Variants in PPM1L observed in about 807,000 individuals in gnomAD.
PPM1L encodes protein phosphatase, Mg2+/Mn2+ dependent 1L.
PPM1L carries 13 observed loss-of-function variants against 31.4 expected under a neutral mutation model. The ratio of observed to expected loss-of-function variants is 0.41; its 90% confidence interval spans 0.27 to 0.66. The LOEUF (loss-of-function observed/expected upper bound fraction) is 0.66. Ranked by LOEUF, PPM1L falls within the 30% of genes least tolerant of loss-of-function variation. The pLI, the probability that PPM1L is intolerant of heterozygous loss-of-function variation, is 0.29. For synonymous variants in PPM1L, 184 were observed against 175.4 expected (o/e 1.05, Z -0.39); for missense variants, 326 against 453.7 (o/e 0.72, Z 2.56).
intron 1 of PPM1L, among the ~76,000 whole-genome samples, chr3:160,828,847 A>G (rs1713431765): frequency 6.6e-6 from 1 of 152,156 alleles, no homozygotes; most frequent in Non-Finnish European, 1.5e-5. Context: ...TTTATTTATA[A>G]TAGGTTGCCA....
intron 1 of PPM1L, among the ~76,000 whole-genome samples, chr3:160,927,935 A>G (rs1450528172): frequency 6.6e-6 from 1 of 152,184 alleles, no homozygotes; most frequent in Non-Finnish European, 1.5e-5. Context: ...TAAATAGAGA[A>G]TGAATGACTC....
At chr3:161,042,793 G>A (rs952861039) in intron 2 of PPM1L, among the ~76,000 whole-genome samples, 1 of 152,090 alleles carries the variant, frequency 6.6e-6, no homozygotes, top group African/African-American at 2.4e-5. Flanking sequence ...GGCTGAGGCG[G>A]GTGAATCACG....
At chr3:161,008,892 C>G (rs760230358) in intron 2 of PPM1L, among the ~76,000 whole-genome samples, 11 of 152,034 alleles carry the variant, frequency 7.2e-5, no homozygotes, top group Non-Finnish European at 1.2e-4. Flanking sequence ...GTGGACAGAT[C>G]AAAGCTGGGA....
At chr3:160,873,087 TG>T (rs1354922062) in intron 1 of PPM1L, among the ~76,000 whole-genome samples, 1 of 152,220 alleles carries the variant, frequency 6.6e-6, no homozygotes, top group Non-Finnish European at 1.5e-5. Flanking sequence ...AAAGTCACTG[TG>T]CAAAATTTCC....
intron 1 of PPM1L, among the ~76,000 whole-genome samples, chr3:160,914,246 T>A (rs1173747175): frequency 6.6e-6 from 1 of 152,194 alleles, no homozygotes; most frequent in Non-Finnish European, 1.5e-5. Context: ...AATCTTTGAT[T>A]TTTTTTACTG....
chr3:160,795,625 T>C (rs1712224401), intron 1 of PPM1L, among the ~76,000 whole-genome samples: 1 of 152,232 alleles, frequency 6.6e-6, no homozygotes, highest in Admixed American at 6.5e-5. Flanking sequence ...TTATCATGTT[T>C]CTAGAACCGG....
chr3:160,827,423 T>C (rs763386986), intron 1 of PPM1L, among the ~76,000 whole-genome samples: 1 of 150,556 alleles, frequency 6.6e-6, no homozygotes, highest in Non-Finnish European at 1.5e-5. Context: ...AAAATGAACA[T>C]TGGGAAAGTG....
chr3:160,959,804 G>A (rs543689892), intron 1 of PPM1L, among the ~76,000 whole-genome samples: 12 of 152,242 alleles, frequency 7.9e-5, no homozygotes, highest in African/African-American at 2.6e-4. Context: ...TTGCACTCCA[G>A]CCTGGGCAAC....
Position 161,071,795 on chromosome 3 carries a change from G to A in PPM1L, c.*2638G>A, listed in dbSNP as rs1719926883. On this transcript the variant is annotated 3_prime_UTR_variant, in exon 4 of 4. Transcript: ENST00000498165. ...TCCTGGGGGTGCCCTATGGTACACT[G>A]GCTGCTCCCCAGGGACCTGGGAATG... is the stretch of plus-strand genomic sequence containing the variant. The A allele has an allele frequency of 6.6e-6, 1 of 152,190 alleles. No homozygotes were observed. The highest frequency in any genetic ancestry group is 6.5e-5 in the Admixed American group (1 of 15,280). The allele number at this position is 152,190 out of a possible 1,614,324, so 9.4% of individuals were successfully genotyped here.
At position 161,074,579 on chromosome 3, in the gene PPM1L, C is replaced by T. The variant is rs1011453412; in HGVS notation, c.*5422C>T. 6 of 152,172 alleles carry T rather than the reference C, an allele frequency of 3.9e-5. No individual in the cohort carries two copies. Among genetic ancestry groups the T allele is most frequent in the African/African-American group, 1.4e-4 (6 of 41,444 alleles). The allele number at this position is 152,172 out of a possible 1,614,324, so 9.4% of individuals were successfully genotyped here. On this transcript the variant is annotated 3_prime_UTR_variant, in exon 4 of 4. Coordinates refer to ENST00000498165, the MANE Select transcript of PPM1L (RefSeq NM_139245.4). ...GCAGGGGGCAGTTGATACCATGAAG[C>T]TTCCAATAGATGCATTTCTAAACAT...
chr3:160,942,921 G>A (rs186942630), intron 1 of PPM1L, among the ~76,000 whole-genome samples: 148 of 151,512 alleles, frequency 9.8e-4, no homozygotes, highest in African/African-American at 3.5e-3. Flanking sequence ...TCACATTTCT[G>A]TACTGCTTAC....
intron 2 of PPM1L, among the ~76,000 whole-genome samples, chr3:161,018,695 AT>A (rs1253689607): frequency 2.6e-5 from 4 of 152,224 alleles, no homozygotes; most frequent in Non-Finnish European, 4.4e-5. Flanking sequence ...AAACCTAAAA[AT>A]AATGTTTCTA....
chr3:160,940,995 C>A (rs1715145547), intron 1 of PPM1L, among the ~76,000 whole-genome samples: 1 of 152,174 alleles, frequency 6.6e-6, no homozygotes, highest in Admixed American at 6.5e-5. Flanking sequence ...CCATGGGAAC[C>A]CACCTCTTGC....
In PPM1L at chr3:161,074,010, A is replaced by G. The variant is rs1720023519; in HGVS notation, c.*4853A>G. The G allele has an allele frequency of 6.6e-6, 1 of 152,226 alleles. No individual in the cohort carries two copies. The highest frequency in any genetic ancestry group is 2.1e-4 in the South Asian group (1 of 4,838). 9.4% of individuals were successfully genotyped at this position (152,226 alleles called of 1,614,324 possible). A position where few individuals can be genotyped will look rare whatever the true frequency, so the allele number is the denominator to read the frequency against. On this transcript the variant is annotated 3_prime_UTR_variant, in exon 4 of 4. Transcript: ENST00000498165. ...GAATATTTTTATATTTCATTACTATATGATATTTAAAAATATACAGAAAAT... is the reference window on the plus strand; with the variant it reads ...GAATATTTTTATATTTCATTACTATGTGATATTTAAAAATATACAGAAAAT...
At chr3:160,915,968 C>G (rs1209941903) in intron 1 of PPM1L, among the ~76,000 whole-genome samples, 7 of 152,098 alleles carry the variant, frequency 4.6e-5, no homozygotes, top group Non-Finnish European at 1.0e-4. Flanking sequence ...TGAAGAAAAC[C>G]TAGGCAATAC....
At chr3:160,887,856 C>T (rs780638794) in intron 1 of PPM1L, among the ~76,000 whole-genome samples, 7 of 151,996 alleles carry the variant, frequency 4.6e-5, no homozygotes, top group Non-Finnish European at 4.4e-5. Context: ...GGATTATAGG[C>T]GTGAGCCACT....
intron 1 of PPM1L, among the ~76,000 whole-genome samples, chr3:160,769,616 G>T (rs979854257): frequency 2.0e-5 from 3 of 147,904 alleles, no homozygotes; most frequent in Non-Finnish European, 4.5e-5. Context: ...AACAAGGTGG[G>T]TTTTTTTTTT....
intron 1 of PPM1L, among the ~76,000 whole-genome samples, chr3:160,889,063 A>G (rs756104252): frequency 2.6e-5 from 4 of 152,240 alleles, no homozygotes; most frequent in Non-Finnish European, 5.9e-5. Context: ...AAGATTTCAA[A>G]TGAACACCCT....
At chr3:160,880,311 C>G (rs1712669935) in intron 1 of PPM1L, among the ~76,000 whole-genome samples, 1 of 151,894 alleles carries the variant, frequency 6.6e-6, no homozygotes. Context: ...GATTCACAAC[C>G]AATTAAGTTA....
Sources: allele counts gnomAD v4.1 joint callset (sites outside exome capture counted in the v4.1 genomes callset), GRCh38; gene constraint gnomAD v4.1.1; transcripts MANE v1.5; gene names NCBI Gene and HGNC (gene_info 2026-07-23, HGNC 2026-07-21).